Variants in PLXNA2 observed in about 807,000 individuals in gnomAD.
PLXNA2 encodes the protein plexin-A2.
A neutral mutation model predicts 193.5 loss-of-function variants in PLXNA2; 91 were observed. The ratio of observed to expected loss-of-function variants is 0.47; its 90% CI spans 0.40 to 0.56. The LOEUF is 0.56. Among genes scored for constraint, PLXNA2 ranks in the 20% least tolerant of loss-of-function variants. The pLI is 0.00. For missense variants in PLXNA2, 1,995 were observed against 2,503.2 expected, an observed-to-expected ratio of 0.80 and a Z score of 4.33; for synonymous variants, 997 against 1,027.3, an observed-to-expected ratio of 0.97 and a Z score of 0.56.
chr1:208,177,029 A>G (rs1669680770), intron 3 of PLXNA2, among the ~76,000 whole-genome samples: 1 of 152,118 alleles, frequency 6.6e-6, no homozygotes, highest in Non-Finnish European at 1.5e-5. Context: ...TGCATTACAA[A>G]CCAAGCTCCA....
At chr1:208,112,008 C>T (rs181005507) in intron 4 of PLXNA2, among the ~76,000 whole-genome samples, 51 of 152,268 alleles carry the variant, frequency 3.3e-4, no homozygotes, top group East Asian at 1.5e-3. Context: ...GACCTGAGGG[C>T]GGAGTGCAGT....
intron 4 of PLXNA2, among the ~76,000 whole-genome samples, chr1:208,132,165 G>A (rs946655573): frequency 6.6e-6 from 1 of 152,176 alleles, no homozygotes; most frequent in African/African-American, 2.4e-5. Context: ...AGGGCCCGGG[G>A]CAGTGCTTGC....
Position 208,038,573 on chromosome 1 carries a change from C to G in PLXNA2, c.4661-99G>C. Reference sequence around the variant, plus strand: ...CTTCTCTAGGGACCTGGCAACCCGGCCCCCTCAAGCTGGTACCAATAACAG... The same window carrying G: ...CTTCTCTAGGGACCTGGCAACCCGGGCCCCTCAAGCTGGTACCAATAACAG... On this transcript the variant is annotated intron_variant, in intron 25 of 31. Coordinates refer to ENST00000367033, the MANE Select transcript of PLXNA2 (RefSeq NM_025179.4). This position sits in a 1 kb window ranked among gnomAD's most constrained non-coding sequence, Gnocchi z 4.1. The G allele has an allele frequency of 1.0e-6, 1 of 968,516 alleles. No homozygotes were observed. The highest frequency in any genetic ancestry group is 1.6e-6 in the Non-Finnish European group (1 of 607,272). 60.0% of individuals were successfully genotyped at this position (968,516 alleles called of 1,614,324 possible).
At chr1:208,164,855 C>T (rs1027727229) in intron 3 of PLXNA2, among the ~76,000 whole-genome samples, 8 of 152,186 alleles carry the variant, frequency 5.3e-5, no homozygotes, top group Non-Finnish European at 7.3e-5. Context: ...CTTATCTCGC[C>T]GGGACCCTTG....
At chr1:208,055,328 C>T (rs576769346) in intron 13 of PLXNA2, among the ~76,000 whole-genome samples, 10 of 152,268 alleles carry the variant, frequency 6.6e-5, no homozygotes, top group Admixed American at 2.0e-4. Context: ...ACTTCCCTGG[C>T]GCCTGAGAAC....
chr1:208,227,167 G>A (rs1165550131), intron 1 of PLXNA2, among the ~76,000 whole-genome samples: 1 of 152,194 alleles, frequency 6.6e-6, no homozygotes, highest in Non-Finnish European at 1.5e-5. Flanking sequence ...CAAGATTCAT[G>A]TTAGGAGACC....
At chr1:208,106,458 T>C (rs1667274173) in intron 4 of PLXNA2, among the ~76,000 whole-genome samples, 2 of 152,186 alleles carry the variant, frequency 1.3e-5, no homozygotes, top group South Asian at 4.1e-4. Context: ...CTAAGACAAG[T>C]ATTCAAAGAG....
chr1:208,217,702 G>A lies in PLXNA2; in HGVS notation c.221C>T (p.Thr74Ile). Reference protein sequence around the residue: ...VGAINRVYKLTGNLTIQVAHK... With the variant: ...VGAINRVYKLIGNLTIQVAHK... ...AGCCACCTGGATGGTCAGGTTGCCT[G>A]TCAGCTTATAGACCCGGTTGATGGC... Residue 74 changes from threonine to isoleucine, a missense_variant, in exon 2 of 32, where the codon ACA (threonine) becomes ATA (isoleucine). By Grantham distance (89) the Thr-to-Ile change is moderately conservative. This residue lies in a region of PLXNA2 where 702 missense variants were observed against 812.9 expected (regional missense o/e 0.86). Coordinates refer to ENST00000367033, the MANE Select transcript of PLXNA2 (RefSeq NM_025179.4). This position sits in a 1 kb window ranked among gnomAD's most constrained non-coding sequence, Gnocchi z 4.7. 1 of 1,614,220 alleles carries A rather than the reference G, an allele frequency of 6.2e-7. No homozygotes were observed.
At chr1:208,036,561 G>A (rs1664675370) in intron 26 of PLXNA2, among the ~76,000 whole-genome samples, 1 of 152,234 alleles carries the variant, frequency 6.6e-6, no homozygotes, top group East Asian at 1.9e-4. Flanking sequence ...CGGAAAGGCT[G>A]CGAGCAGTGC....
At chr1:208,218,233 T>G in intron 1 of PLXNA2, 1 of 493,486 alleles carries the variant, frequency 2.0e-6, no homozygotes, top group Non-Finnish European at 3.6e-6. Context: ...TTTTTAAAAT[T>G]TTATTTTACA....
intron 4 of PLXNA2, among the ~76,000 whole-genome samples, chr1:208,113,340 A>G (rs1020328887): frequency 2.0e-5 from 3 of 152,150 alleles, no homozygotes; most frequent in African/African-American, 7.2e-5. Flanking sequence ...TTGCCCAGAC[A>G]TGGTTCCAGT....
chr1:208,067,389 TAAAG>T (rs1253304192), intron 12 of PLXNA2, among the ~76,000 whole-genome samples: 2 of 151,812 alleles, frequency 1.3e-5, no homozygotes, highest in African/African-American at 4.8e-5. Context: ...AATTTATAAT[TAAAG>T]AAGGAAACAA....
intron 3 of PLXNA2, among the ~76,000 whole-genome samples, chr1:208,168,758 A>G (rs2102527043): frequency 1.5e-5 from 1 of 66,804 alleles, no homozygotes; most frequent in Non-Finnish European, 4.3e-5. Context: ...TTTTAGAATG[A>G]CAGGTAGTGC....
chr1:208,142,868 T>G (rs904983436), intron 3 of PLXNA2, among the ~76,000 whole-genome samples: 1 of 152,264 alleles, frequency 6.6e-6, no homozygotes, highest in African/African-American at 2.4e-5. Context: ...CACAGTATCT[T>G]AGCCTCAGAC....
chr1:208,205,762 G>C (rs113355810), intron 3 of PLXNA2, among the ~76,000 whole-genome samples: 3 of 152,224 alleles, frequency 2.0e-5, no homozygotes, highest in East Asian at 3.9e-4. Flanking sequence ...TCACCATCAC[G>C]GGACAGTCTG....
rs749224290 is a variant in PLXNA2, at chr1:208,217,854, C to T, written c.69G>A (p.Val23=). The T allele has an allele frequency of 6.2e-7, 1 of 1,613,882 alleles. No individual in the cohort carries two copies. The highest frequency in any genetic ancestry group is 8.5e-7 in the Non-Finnish European group (1 of 1,180,018). The part of the protein sequence containing the change: ...VDSRSVVLLS[V]VWVLLAPPAA... ...CTGGGGGGGCCAGCAGCACCCAGAC[C>T]ACTGAGAGCAGGACCACAGAGCGGC... Residue 23 remains valine, a synonymous_variant, in exon 2 of 32, where the codon GTG becomes GTA. Transcript: ENST00000367033. This position sits in a 1 kb window ranked among gnomAD's most constrained non-coding sequence, Gnocchi z 4.7.
chr1:208,230,453 G>C (rs1671654322), intron 1 of PLXNA2: 1 of 152,250 alleles, frequency 6.6e-6, no homozygotes. Flanking sequence ...TGTTGCTCTT[G>C]CTGGGTTGTC....
intron 1 of PLXNA2, among the ~76,000 whole-genome samples, chr1:208,225,677 G>T (rs778917565): frequency 6.6e-6 from 1 of 152,090 alleles, no homozygotes; most frequent in Non-Finnish European, 1.5e-5. Context: ...GCTCTAATGC[G>T]GTGTGATCTG....
intron 13 of PLXNA2, among the ~76,000 whole-genome samples, chr1:208,058,563 C>T (rs143701342): frequency 1.3e-5 from 2 of 152,142 alleles, no homozygotes; most frequent in Non-Finnish European, 2.9e-5. Flanking sequence ...TCTGAAACCT[C>T]GGGAGTGGTA....
Sources: allele counts gnomAD v4.1 joint callset (sites outside exome capture counted in the v4.1 genomes callset), GRCh38; gene constraint gnomAD v4.1.1; regional missense constraint gnomAD v4.1.1; non-coding constraint Gnocchi (gnomAD v3.1); transcripts MANE v1.5; gene names NCBI Gene and HGNC (gene_info 2026-07-23, HGNC 2026-07-21).